Variants in SLC25A21 observed in about 807,000 individuals in gnomAD.
SLC25A21 encodes the protein mitochondrial 2-oxodicarboxylate carrier.
In SLC25A21, 47 loss-of-function variants were observed where a neutral mutation model predicts 43.8. The ratio of observed to expected loss-of-function variants is 1.07; its 90% CI spans 0.85 to 1.37. The LOEUF (loss-of-function observed/expected upper bound fraction) is 1.37, where lower values mean the gene tolerates loss of function less well. Ranked by LOEUF, SLC25A21 falls within the 40% of genes most tolerant of loss-of-function variation. The pLI is 0.00. For synonymous variants in SLC25A21, 131 were observed against 121.3 expected (o/e 1.08, Z -0.52); for missense variants, 352 against 350.2 (o/e 1.00, Z -0.04).
chr14:36,837,558 A>C (rs1224761479), intron 2 of SLC25A21, among the ~76,000 whole-genome samples: 4 of 152,180 alleles, frequency 2.6e-5, no homozygotes, highest in Non-Finnish European at 5.9e-5. Flanking sequence ...TGATGCTGCC[A>C]GAGAACAGGC....
At chr14:36,817,731 C>T (rs527289983) in intron 2 of SLC25A21, among the ~76,000 whole-genome samples, 14 of 152,150 alleles carry the variant, frequency 9.2e-5, no homozygotes, top group African/African-American at 1.7e-4. Context: ...CAGGCAAGCA[C>T]GTCCTATGTC....
chr14:37,009,570 A>G lies in SLC25A21; in HGVS notation c.71-134566T>C, dbSNP rs375649124. On this transcript the variant is annotated intron_variant, in intron 1 of 9. Transcript: ENST00000331299. Reference sequence around the variant, plus strand: ...CCAGGGGAAGAGAAGAAAGAAAAGAAGCTAGTTTCCATATGTCCCTAAATG... The same window carrying G: ...CCAGGGGAAGAGAAGAAAGAAAAGAGGCTAGTTTCCATATGTCCCTAAATG... Among the ~76,000 whole-genome samples the G allele has an allele frequency of 3.9e-5, 6 of 152,212 alleles. No homozygotes were observed. The East Asian group carries it at 5.8e-4, about 15-fold the overall frequency.
chr14:37,084,824 T>C (rs545605930), intron 1 of SLC25A21, among the ~76,000 whole-genome samples: 1 of 152,312 alleles, frequency 6.6e-6, no homozygotes, highest in East Asian at 1.9e-4. Flanking sequence ...GATTGTGTAG[T>C]ACTGGCATAA....
intron 1 of SLC25A21, among the ~76,000 whole-genome samples, chr14:36,942,833 T>C (rs1474971717): frequency 6.6e-6 from 1 of 152,212 alleles, no homozygotes; most frequent in Admixed American, 6.5e-5. Flanking sequence ...CTTATACTAC[T>C]TATACACTAA....
chr14:36,972,657 T>G (rs947690300), intron 1 of SLC25A21, among the ~76,000 whole-genome samples: 1 of 152,006 alleles, frequency 6.6e-6, no homozygotes, highest in Non-Finnish European at 1.5e-5. Context: ...GAGGGAGGTT[T>G]AGAGAATTCA....
At chr14:37,040,876 G>A (rs1335319973) in intron 1 of SLC25A21, among the ~76,000 whole-genome samples, 2 of 151,764 alleles carry the variant, frequency 1.3e-5, no homozygotes, top group African/African-American at 2.4e-5. Context: ...TGAGCAACTA[G>A]ATAAATAGAA....
chr14:36,847,855 C>T (rs906727419), intron 2 of SLC25A21, among the ~76,000 whole-genome samples: 1 of 152,176 alleles, frequency 6.6e-6, no homozygotes, highest in Non-Finnish European at 1.5e-5. Context: ...AGTAAGTGAA[C>T]ACTCAGCCTT....
Position 36,943,110 on chromosome 14 carries a change from T to C in SLC25A21, c.71-68106A>G, listed in dbSNP as rs546133041. Among the ~76,000 whole-genome samples, 51 of 152,328 alleles carry C rather than the reference T, an allele frequency of 3.3e-4. 1 individual carries two copies. The South Asian group carries it at 0.01, about 31-fold the overall frequency. ...AGTCAAGTCCACCAAGTGAACTCTA[T>C]AGTCTTCCCAATTGTGAGACTCTAT... is the stretch of plus-strand genomic sequence containing the variant. On this transcript the variant is annotated intron_variant, in intron 1 of 9. Coordinates refer to ENST00000331299, the MANE Select transcript of SLC25A21 (RefSeq NM_030631.4).
intron 1 of SLC25A21, among the ~76,000 whole-genome samples, chr14:37,073,502 T>C (rs1962215921): frequency 6.6e-6 from 1 of 152,210 alleles, no homozygotes; most frequent in Non-Finnish European, 1.5e-5. Context: ...CATGAGCCAC[T>C]ACAGCCTGCC....
chr14:36,729,818 C>A (rs1884750027), intron 4 of SLC25A21, among the ~76,000 whole-genome samples: 1 of 152,184 alleles, frequency 6.6e-6, no homozygotes, highest in Non-Finnish European at 1.5e-5. Flanking sequence ...ATGAACCATA[C>A]AACTTCCATT....
intron 1 of SLC25A21, among the ~76,000 whole-genome samples, chr14:37,051,108 T>C (rs775082206): frequency 6.6e-6 from 1 of 152,214 alleles, no homozygotes; most frequent in Non-Finnish European, 1.5e-5. Flanking sequence ...AGATCTCCAA[T>C]TGTATATAAG....
At chr14:36,867,589 T>G (rs1890248039) in intron 2 of SLC25A21, among the ~76,000 whole-genome samples, 1 of 152,092 alleles carries the variant, frequency 6.6e-6, no homozygotes, top group African/African-American at 2.4e-5. Context: ...TGCAAACACC[T>G]TGCTGAGGAA....
At chr14:36,859,089 T>C (rs1256349356) in intron 2 of SLC25A21, among the ~76,000 whole-genome samples, 1 of 152,184 alleles carries the variant, frequency 6.6e-6, no homozygotes, top group Non-Finnish European at 1.5e-5. Flanking sequence ...GGCTGGAAAA[T>C]ATTACTTATG....
intron 1 of SLC25A21, among the ~76,000 whole-genome samples, chr14:36,904,692 G>A (rs192673684): frequency 1.3e-5 from 2 of 152,320 alleles, no homozygotes; most frequent in Admixed American, 1.3e-4. Context: ...AATGTGGCAA[G>A]AGAGAGTGTG....
chr14:37,064,462 G>A (rs1007119196), intron 1 of SLC25A21, among the ~76,000 whole-genome samples: 1 of 151,258 alleles, frequency 6.6e-6, no homozygotes, highest in Non-Finnish European at 1.5e-5. Context: ...TCTGTCTTGG[G>A]AGAACCCTAA....
intron 1 of SLC25A21, among the ~76,000 whole-genome samples, chr14:37,088,312 GAAAGT>G (rs1426347396): frequency 3.3e-5 from 5 of 152,194 alleles, no homozygotes; most frequent in African/African-American, 1.2e-4. Context: ...CACTTTTAAA[GAAAGT>G]AGAGGAACAA....
At chr14:36,680,918 C>A (rs1882220975) in intron 9 of SLC25A21, among the ~76,000 whole-genome samples, 199 bp from the exon 10 acceptor site, 1 of 152,148 alleles carries the variant, frequency 6.6e-6, no homozygotes, top group Non-Finnish European at 1.5e-5. Context: ...TCTTGAGTCT[C>A]CAAATACATT....
At chr14:37,036,848 T>C (rs1473907037) in intron 1 of SLC25A21, among the ~76,000 whole-genome samples, 1 of 152,184 alleles carries the variant, frequency 6.6e-6, no homozygotes, top group East Asian at 1.9e-4. Context: ...AAAGCAGATG[T>C]TCAAATGTGG....
chr14:37,133,344 C>T (rs1162489892), intron 1 of SLC25A21, among the ~76,000 whole-genome samples: 4 of 152,064 alleles, frequency 2.6e-5, no homozygotes, highest in African/African-American at 4.8e-5. Flanking sequence ...CCCTTTCATG[C>T]CTAATAGTAT....
Sources: gnomAD v4.1 joint callset for allele counts (sites outside exome capture counted in the v4.1 genomes callset) on GRCh38, gnomAD v4.1.1 for gene constraint, MANE v1.5 for transcripts, NCBI Gene and HGNC (gene_info 2026-07-23, HGNC 2026-07-21) for gene names.